GRM5: variants seen among roughly 807,000 people sequenced by gnomAD.
GRM5 encodes glutamate metabotropic receptor 5.
A neutral mutation model predicts 83.1 loss-of-function variants in GRM5; 19 were observed. The ratio of observed to expected loss-of-function variants is 0.23; its 90% CI spans 0.16 to 0.34. The LOEUF is 0.34. Ranked by LOEUF, GRM5 falls within the 10% of genes least tolerant of loss-of-function variation. GRM5 has a pLI of 1.00. For synonymous variants in GRM5, 675 were observed against 633.6 expected, an observed-to-expected ratio of 1.07 and a Z score of -0.98; for missense variants, 1,160 against 1,588.3, an observed-to-expected ratio of 0.73 and a Z score of 4.58.
chr11:89,021,339 C>T (rs1399414899), intron 2 of GRM5, among the ~76,000 whole-genome samples: 1 of 152,120 alleles, frequency 6.6e-6, no homozygotes, highest in African/African-American at 2.4e-5. Context: ...AAAATCAGCC[C>T]ACAGCCAAGG....
At chr11:89,001,108 C>G (rs1421655824) in intron 2 of GRM5, among the ~76,000 whole-genome samples, 1 of 151,518 alleles carries the variant, frequency 6.6e-6, no homozygotes, top group Non-Finnish European at 1.5e-5. Flanking sequence ...AAATAACCTG[C>G]TAGGTTATTT....
intron 2 of GRM5, among the ~76,000 whole-genome samples, chr11:88,911,446 G>A (rs1434489769): frequency 6.6e-6 from 1 of 152,058 alleles, no homozygotes; most frequent in Non-Finnish European, 1.5e-5. Flanking sequence ...ACAAACAAAT[G>A]AGAAAGCATA....
chr11:88,950,625 G>C (rs1938428413), intron 2 of GRM5, among the ~76,000 whole-genome samples: 1 of 152,152 alleles, frequency 6.6e-6, no homozygotes, highest in Non-Finnish European at 1.5e-5. Flanking sequence ...ATGGCAAAAA[G>C]AAGTGCAAGA....
At chr11:88,926,880 A>C (rs1945798645) in intron 2 of GRM5, among the ~76,000 whole-genome samples, 2 of 152,214 alleles carry the variant, frequency 1.3e-5, no homozygotes, top group Admixed American at 1.3e-4. Context: ...TGATTGAGTG[A>C]ATCTAGTCCA....
At position 88,930,680 on chromosome 11, in the gene GRM5, T is replaced by C. The variant is rs533681269; in HGVS notation, c.662-80525A>G. ...CTCCTGCCTCAGCTTCCTGAGTAGC[T>C]GGGATTACAGGCATCCGCCACCACG... On this transcript the variant is annotated intron_variant, in intron 2 of 9. Coordinates refer to ENST00000305447, the MANE Select transcript of GRM5 (RefSeq NM_001143831.3). 2.6e-5 allele frequency among the ~76,000 whole-genome samples: 4 copies of C among 152,136 alleles called. No individual in the cohort carries two copies. The East Asian group carries it at 7.9e-4, about 30-fold the overall frequency.
chr11:88,923,928 C>A (rs530523967), intron 2 of GRM5, among the ~76,000 whole-genome samples: 106 of 149,612 alleles, frequency 7.1e-4, no homozygotes, highest in Middle Eastern at 3.4e-3. Context: ...CTACTATATA[C>A]CCATAAAAAT....
intron 3 of GRM5, among the ~76,000 whole-genome samples, chr11:88,829,551 T>C (rs1181125158): frequency 6.6e-6 from 1 of 152,114 alleles, no homozygotes; most frequent in Non-Finnish European, 1.5e-5. Flanking sequence ...TAAAATGATA[T>C]AATAGTATAC....
At chr11:89,017,008 C>T (rs1243441190) in intron 2 of GRM5, among the ~76,000 whole-genome samples, 1 of 152,090 alleles carries the variant, frequency 6.6e-6, no homozygotes, top group Non-Finnish European at 1.5e-5. Flanking sequence ...TCATTAACAC[C>T]AAGAAGCTTT....
intron 2 of GRM5, among the ~76,000 whole-genome samples, chr11:88,959,358 TTAA>T (rs1938715901): frequency 6.6e-6 from 1 of 151,962 alleles, no homozygotes; most frequent in Non-Finnish European, 1.5e-5. Flanking sequence ...GTCTAAGAAA[TTAA>T]TATTATGCAA....
chr11:88,913,587 C>T (rs549941740), intron 2 of GRM5, among the ~76,000 whole-genome samples: 1 of 87,386 alleles, frequency 1.1e-5, no homozygotes, highest in African/African-American at 4.0e-5. Context: ...CTCTCTCTCT[C>T]TTTTTTTTTT....
intron 4 of GRM5, among the ~76,000 whole-genome samples, chr11:88,610,994 T>C (rs1938297080): frequency 6.6e-6 from 1 of 152,208 alleles, no homozygotes; most frequent in South Asian, 2.1e-4. Flanking sequence ...TTTTTGTTAC[T>C]TCTGTTGATG....
At chr11:88,901,195 C>T (rs1945309627) in intron 2 of GRM5, among the ~76,000 whole-genome samples, 1 of 151,908 alleles carries the variant, frequency 6.6e-6, no homozygotes, top group Non-Finnish European at 1.5e-5. Flanking sequence ...TCTGGTATGT[C>T]GGTTTCCTTA....
intron 3 of GRM5, among the ~76,000 whole-genome samples, chr11:88,800,258 C>G (rs963715311): frequency 1.4e-4 from 21 of 152,182 alleles, no homozygotes; most frequent in African/African-American, 4.8e-4. Context: ...TCTCCTGATT[C>G]CTAACCTACT....
intron 2 of GRM5, among the ~76,000 whole-genome samples, chr11:88,850,399 G>T (rs1307260527): frequency 3.3e-5 from 5 of 152,130 alleles, no homozygotes; most frequent in Non-Finnish European, 7.4e-5. Context: ...AATATAAAAA[G>T]TGTAAGCAAT....
At chr11:88,624,502 G>A (rs1216064908) in intron 4 of GRM5, among the ~76,000 whole-genome samples, 2 of 152,162 alleles carry the variant, frequency 1.3e-5, no homozygotes, top group Non-Finnish European at 2.9e-5. Flanking sequence ...ACAATGACAA[G>A]AGGGAAACTG....
Position 88,781,280 on chromosome 11 carries a change from A to G in GRM5, c.911+68626T>C, listed in dbSNP as rs546663051. Among the ~76,000 whole-genome samples, 3 of 152,142 alleles carry G rather than the reference A, an allele frequency of 2.0e-5. No individual in the cohort carries two copies. In the South Asian group the frequency reaches 6.2e-4, roughly 32 times the overall value. ...TGTAAGACGCATGTATGTGATTATC[A>G]TAACTGGGCATGTCTGACTCTAAAG... On this transcript the variant is annotated intron_variant, in intron 3 of 9. Coordinates refer to ENST00000305447, the MANE Select transcript of GRM5 (RefSeq NM_001143831.3).
intron 3 of GRM5, among the ~76,000 whole-genome samples, chr11:88,779,346 G>C (rs1027587246): frequency 6.6e-6 from 1 of 152,054 alleles, no homozygotes; most frequent in Non-Finnish European, 1.5e-5. Context: ...GGTAATATTT[G>C]CTCTAAAGAA....
chr11:89,033,349 T>C (rs1941309159), intron 2 of GRM5, among the ~76,000 whole-genome samples: 1 of 147,716 alleles, frequency 6.8e-6, no homozygotes, highest in East Asian at 1.9e-4. Flanking sequence ...TTTTATTTTA[T>C]AAAAGTATCA....
rs564008040 is a variant in GRM5, at chr11:89,037,223, G to A, written c.661+9989C>T. On this transcript the variant is annotated intron_variant, in intron 2 of 9. Transcript: ENST00000305447. Reference sequence around the variant, plus strand: ...AATTTGTTAAATGTAAATGTTTAATGTCAAAATAATAATATTTTTGGCATT... The same window carrying A: ...AATTTGTTAAATGTAAATGTTTAATATCAAAATAATAATATTTTTGGCATT... 2.0e-5 allele frequency among the ~76,000 whole-genome samples: 3 copies of A among 152,064 alleles called. No individual in the cohort carries two copies. In the East Asian group the frequency reaches 5.8e-4, roughly 29 times the overall value.
Sources: gnomAD v4.1 joint callset for allele counts (sites outside exome capture counted in the v4.1 genomes callset) on GRCh38, gnomAD v4.1.1 for gene constraint, MANE v1.5 for transcripts, NCBI Gene and HGNC (gene_info 2026-07-23, HGNC 2026-07-21) for gene names.